Variants in UVRAG observed in about 807,000 individuals in gnomAD.
UVRAG encodes UV radiation resistance-associated gene protein.
A neutral mutation model predicts 78.0 loss-of-function variants in UVRAG; 19 were observed. The ratio of observed to expected loss-of-function variants is 0.24; its 90% CI spans 0.17 to 0.36. The LOEUF (loss-of-function observed/expected upper bound fraction) is 0.36, where lower values mean the gene tolerates loss of function less well. Ranked by LOEUF, UVRAG falls within the 10% of genes least tolerant of loss-of-function variation. The pLI is 1.00. For missense variants in UVRAG, 740 were observed against 853.8 expected, an observed-to-expected ratio of 0.87 and a Z score of 1.66; for synonymous variants, 323 against 324.6, an observed-to-expected ratio of 1.00 and a Z score of 0.05.
chr11:75,977,012 A>G (rs1273867124), intron 7 of UVRAG, among the ~76,000 whole-genome samples: 2 of 152,212 alleles, frequency 1.3e-5, no homozygotes, highest in African/African-American at 4.8e-5. Context: ...ATTTAGTGCT[A>G]TAAATTCCCC....
rs138810622 is a variant in UVRAG, at chr11:76,091,247, G to A, written c.1306-24677G>A. ...TAGAGATATTTGATTCCCCCTTTTT[G>A]TATGTGAAATATTATTTACTTATTT... is the stretch of plus-strand genomic sequence containing the variant. On this transcript the variant is annotated intron_variant, in intron 13 of 14. Coordinates refer to ENST00000356136, the MANE Select transcript of UVRAG (RefSeq NM_003369.4). 5.1e-3 allele frequency among the ~76,000 whole-genome samples: 776 copies of A among 151,986 alleles called. 9 individuals carry two copies. Among genetic ancestry groups the A allele is most frequent in the African/African-American group, 0.018 (743 of 41,456 alleles).
chr11:76,127,564 G>C (rs893833015), intron 14 of UVRAG, among the ~76,000 whole-genome samples: 1 of 151,624 alleles, frequency 6.6e-6, no homozygotes, highest in Non-Finnish European at 1.5e-5. Flanking sequence ...AACCCAGGAG[G>C]TGGAGGTTGC....
At chr11:76,086,638 A>G (rs906678876) in intron 13 of UVRAG, among the ~76,000 whole-genome samples, 1 of 152,254 alleles carries the variant, frequency 6.6e-6, no homozygotes, top group Admixed American at 6.5e-5. Context: ...GCTAATATAA[A>G]GTAATATTTT....
intron 13 of UVRAG, among the ~76,000 whole-genome samples, chr11:76,070,549 A>G (rs552064894): frequency 5.9e-5 from 9 of 152,334 alleles, no homozygotes; most frequent in Admixed American, 1.3e-4. Flanking sequence ...TATACCTTCA[A>G]ACATCTTGTA....
rs1205777829 is a variant in UVRAG, at chr11:75,876,835, TTTTTTTA to T, written c.271-3024_271-3018del. Among the ~76,000 whole-genome samples, 119 of 150,050 alleles carry T rather than the reference TTTTTTTA, an allele frequency of 7.9e-4. 1 individual carries two copies. The highest frequency in any genetic ancestry group is 2.1e-3 in the African/African-American group (87 of 41,346). On this transcript the variant is annotated intron_variant, in intron 3 of 14. Coordinates refer to ENST00000356136, the MANE Select transcript of UVRAG (RefSeq NM_003369.4). ...TTCAGCAGTGAAAGCCCTTATGTTTTTTTTTTATTTTTTATTTTTTATTTTTATTTTT... is the reference window on the plus strand; with the variant it reads ...TTCAGCAGTGAAAGCCCTTATGTTTTTTTTTTATTTTTTATTTTTATTTTT...
At chr11:75,892,305 G>C (rs1273704895) in intron 5 of UVRAG, 2 of 985,218 alleles carry the variant, frequency 2.0e-6, no homozygotes, top group South Asian at 4.7e-5. Flanking sequence ...GGAGGACACA[G>C]AGAAACTGCA....
chr11:75,836,943 AG>A (rs1311414847), intron 1 of UVRAG, among the ~76,000 whole-genome samples: 11 of 152,092 alleles, frequency 7.2e-5, no homozygotes, highest in Admixed American at 7.2e-4. Context: ...ATTCTAATCA[AG>A]CTTTTCTAAA....
chr11:75,880,938 T>TTTTC (rs1356371504), intron 4 of UVRAG, among the ~76,000 whole-genome samples: 1 of 134,442 alleles, frequency 7.4e-6, no homozygotes, highest in African/African-American at 3.3e-5. Flanking sequence ...CTTTTTTTTT[T>TTTTC]TTTTTTTTTT....
chr11:76,061,290 C>T (rs557195089), intron 12 of UVRAG, among the ~76,000 whole-genome samples: 3 of 152,222 alleles, frequency 2.0e-5, no homozygotes, highest in Admixed American at 1.3e-4. Flanking sequence ...GGATTGTAAA[C>T]GCGCCAATCA....
At chr11:75,970,228 A>C (rs746950900) in intron 7 of UVRAG, among the ~76,000 whole-genome samples, 64 of 152,200 alleles carry the variant, frequency 4.2e-4, no homozygotes, top group Non-Finnish European at 8.5e-4. Flanking sequence ...CTTTTGGAGA[A>C]AAAAAGAGGC....
At chr11:75,865,906 C>T (rs1369132091) in intron 3 of UVRAG, among the ~76,000 whole-genome samples, 3 of 152,158 alleles carry the variant, frequency 2.0e-5, no homozygotes, top group Non-Finnish European at 2.9e-5. Flanking sequence ...TGAGCCACCA[C>T]GCCTGGCCAG....
At chr11:75,874,277 A>AAC (rs1821801947) in intron 3 of UVRAG, among the ~76,000 whole-genome samples, 1 of 152,102 alleles carries the variant, frequency 6.6e-6, no homozygotes, top group African/African-American at 2.4e-5. Context: ...GAGAAAAAAA[A>AAC]AACAACAACA....
At chr11:75,898,054 A>G (rs1001415028) in intron 5 of UVRAG, among the ~76,000 whole-genome samples, 10 of 151,234 alleles carry the variant, frequency 6.6e-5, no homozygotes, top group Non-Finnish European at 1.0e-4. Context: ...TGTTTTTAGT[A>G]GAGATGGGGT....
chr11:75,891,276 A>T lies in UVRAG; in HGVS notation c.507+2373A>T, dbSNP rs528351282. ...ACCTGCCACAGTTTTTGGGGTATGC[A>T]GTTTGCTTAGTAAAAGTGTTTGTGA... On this transcript the variant is annotated intron_variant, in intron 5 of 14. Transcript: ENST00000356136. Among the ~76,000 whole-genome samples the T allele has an allele frequency of 3.9e-5, 6 of 152,276 alleles. 1 individual carries two copies. The South Asian group carries it at 1.2e-3, about 32-fold the overall frequency.
intron 11 of UVRAG, among the ~76,000 whole-genome samples, chr11:76,015,450 A>G (rs1950128478): frequency 6.6e-6 from 1 of 152,180 alleles, no homozygotes; most frequent in African/African-American, 2.4e-5. Context: ...TAGCTGTATT[A>G]CTTTGGAAGG....
intron 13 of UVRAG, among the ~76,000 whole-genome samples, chr11:76,066,348 A>T (rs1337212870): frequency 6.6e-6 from 1 of 152,160 alleles, no homozygotes; most frequent in Admixed American, 6.5e-5. Flanking sequence ...TCAGATGCCT[A>T]GGTTTGTATT....
chr11:76,132,782 G>A (rs949946854), intron 14 of UVRAG, among the ~76,000 whole-genome samples: 1 of 152,170 alleles, frequency 6.6e-6, no homozygotes, highest in East Asian at 1.9e-4. Context: ...AGGAAGAGAA[G>A]AGAAGGAAAA....
intron 14 of UVRAG, among the ~76,000 whole-genome samples, chr11:76,119,957 C>T (rs376416084): frequency 1.4e-4 from 22 of 152,330 alleles, no homozygotes; most frequent in Non-Finnish European, 2.5e-4. Flanking sequence ...TCCACTCTCA[C>T]GTCCTGTCGC....
intron 12 of UVRAG, among the ~76,000 whole-genome samples, chr11:76,049,825 G>A (rs925433910): frequency 6.6e-6 from 1 of 152,196 alleles, no homozygotes; most frequent in African/African-American, 2.4e-5. Flanking sequence ...AGTGTCAAAG[G>A]TACCCTGTTA....
Sources: gnomAD v4.1 joint callset for allele counts (sites outside exome capture counted in the v4.1 genomes callset) on GRCh38, gnomAD v4.1.1 for gene constraint, MANE v1.5 for transcripts, NCBI Gene and HGNC (gene_info 2026-07-23, HGNC 2026-07-21) for gene names.